Variants in PHKA1 observed in about 807,000 individuals in gnomAD.
The protein encoded by PHKA1 is phosphorylase kinase regulatory subunit alpha 1, also known as phosphorylase b kinase regulatory subunit alpha, skeletal muscle isoform.
A neutral mutation model predicts 110.2 loss-of-function variants in PHKA1; 60 were observed. The observed-to-expected ratio is 0.54, with a 90% CI of 0.44 to 0.68. The LOEUF (loss-of-function observed/expected upper bound fraction) is 0.68, where lower values mean the gene tolerates loss of function less well. Ranked by LOEUF, PHKA1 falls within the 30% of genes least tolerant of loss-of-function variation. The probability of loss-of-function intolerance (pLI) is 0.00; values close to 1 mark genes in which losing one functional copy is unlikely to be tolerated. For missense variants in PHKA1, 801 were observed against 942.5 expected, an observed-to-expected ratio of 0.85 and a Z score of 1.97; for synonymous variants, 316 against 333.6, an observed-to-expected ratio of 0.95 and a Z score of 0.58.
chrX:72,671,598 T>G (rs2053699905), intron 6 of PHKA1, among the ~76,000 whole-genome samples: 1 of 111,662 alleles, frequency 9.0e-6, no homozygotes, highest in Non-Finnish European at 1.9e-5. Flanking sequence ...TTAAAGTTCA[T>G]ACGGAACCAA....
chrX:72,638,684 G>A (rs1020860008), intron 14 of PHKA1, among the ~76,000 whole-genome samples: 4 of 111,143 alleles, frequency 3.6e-5, no homozygotes, highest in Non-Finnish European at 7.5e-5. Context: ...CTAAGAACTC[G>A]TCTATTTATG....
intron 29 of PHKA1, among the ~76,000 whole-genome samples, chrX:72,586,084 A>G (rs2147646187): frequency 8.9e-6 from 1 of 112,463 alleles, no homozygotes; most frequent in African/African-American, 3.2e-5. Flanking sequence ...CTCCCAGCAC[A>G]GTGTTTGAGC....
chrX:72,647,020 T>C (rs2147751944), intron 13 of PHKA1, among the ~76,000 whole-genome samples: 1 of 109,733 alleles, frequency 9.1e-6, no homozygotes, highest in East Asian at 2.9e-4. Context: ...TAATCCCAGC[T>C]ACTCCGGAGG....
intron 13 of PHKA1, among the ~76,000 whole-genome samples, chrX:72,645,866 G>A (rs2053353961): frequency 8.9e-6 from 1 of 112,102 alleles, no homozygotes; most frequent in Non-Finnish European, 1.9e-5. Context: ...CCTAGGTAGT[G>A]TGGGGTTGGG....
rs140803208 is a variant in PHKA1, at chrX:72,611,253, G to A, written c.2370-69C>T. The A allele has an allele frequency of 1.4e-3, 1,214 of 888,240 alleles. 8 individuals carry two copies. In the African/African-American group the frequency reaches 0.022, roughly 16 times the overall value. 73.2% of individuals were successfully genotyped at this position (888,240 alleles called of 1,213,427 possible). Reference sequence around the variant, plus strand: ...TCTGGCAATCATCTTTTCTTTCAGTGTTATAATGAACATGCCTGTTTTTGA... The same window carrying A: ...TCTGGCAATCATCTTTTCTTTCAGTATTATAATGAACATGCCTGTTTTTGA... On this transcript the variant is annotated intron_variant, in intron 21 of 31. Coordinates refer to ENST00000373542, the MANE Select transcript of PHKA1 (RefSeq NM_002637.4).
In PHKA1 at chrX:72,605,152, C is replaced by A. The variant is rs1462653452; in HGVS notation, c.2815+119G>T. The A allele has an allele frequency of 4.7e-6, 3 of 643,598 alleles. No homozygotes were observed. In the East Asian group the frequency reaches 1.1e-4, roughly 23 times the overall value. 53.0% of individuals were successfully genotyped at this position (643,598 alleles called of 1,213,427 possible). On this transcript the variant is annotated intron_variant, in intron 25 of 31. Coordinates refer to ENST00000373542, the MANE Select transcript of PHKA1 (RefSeq NM_002637.4). The stretch of plus-strand genomic sequence containing the variant: ...GTGACCAACAGGGGAACAAGGTTGC[C>A]ATATCCAGCTTCTGAGCTATGGATA...
At chrX:72,686,660 T>C (rs1469682834) in intron 4 of PHKA1, among the ~76,000 whole-genome samples, 3 of 112,081 alleles carry the variant, frequency 2.7e-5, no homozygotes, top group Non-Finnish European at 3.8e-5. Context: ...CAAAGATGTA[T>C]GCATATTATT....
intron 12 of PHKA1, among the ~76,000 whole-genome samples, chrX:72,651,734 C>T (rs1232411914): frequency 9.0e-6 from 1 of 111,251 alleles, no homozygotes; most frequent in Non-Finnish European, 1.9e-5. Flanking sequence ...AATCAAACAG[C>T]CATGGCCACA....
chrX:72,650,269 A>C, intron 13 of PHKA1, 121 bp downstream of exon 13: 1 of 558,083 alleles, frequency 1.8e-6, no homozygotes, highest in Non-Finnish European at 3.0e-6. Flanking sequence ...CATTGTATAC[A>C]TTTTGAAGCC....
At chrX:72,697,847 G>A (rs1220506743) in intron 3 of PHKA1, among the ~76,000 whole-genome samples, 2 of 109,294 alleles carry the variant, frequency 1.8e-5, no homozygotes, top group African/African-American at 6.7e-5. Context: ...AGCCGGGCAT[G>A]GTGGCGGGTG....
intron 28 of PHKA1, chrX:72,599,990 T>C (rs1156551122): frequency 5.6e-6 from 2 of 359,780 alleles, no homozygotes; most frequent in Non-Finnish European, 1.0e-5. Context: ...CAGCACATAA[T>C]CATTAAAAAG....
intron 7 of PHKA1, 111 bp downstream of exon 7, chrX:72,667,264 A>G: frequency 3.5e-6 from 2 of 577,068 alleles, no homozygotes; most frequent in Non-Finnish European, 5.8e-6. Flanking sequence ...ATGGTAATTA[A>G]TCAGATGATG....
In PHKA1 at chrX:72,628,561, TA is replaced by T. The variant is rs1339698208; in HGVS notation, c.1715-1513del. Among the ~76,000 whole-genome samples, 377 of 104,194 alleles carry T rather than the reference TA, an allele frequency of 3.6e-3. 2 individuals are homozygous for T. The highest frequency in any genetic ancestry group is 6.5e-3 in the Non-Finnish European group (334 of 51,741). The allele number at this position is 104,194 out of a possible 115,157, so 90.5% of individuals were successfully genotyped here. On this transcript the variant is annotated intron_variant, in intron 16 of 31. Coordinates refer to ENST00000373542, the MANE Select transcript of PHKA1 (RefSeq NM_002637.4). ...TAACAAAAATATTCCCATATATATA[TA>T]TATATATATTCCCATATAAATATAT...
intron 3 of PHKA1, among the ~76,000 whole-genome samples, chrX:72,704,864 T>G (rs1421244295): frequency 8.9e-6 from 1 of 112,223 alleles, no homozygotes; most frequent in Non-Finnish European, 1.9e-5. Context: ...ATGCCGGGAT[T>G]ACAGGCATGA....
intron 2 of PHKA1, 40 bp downstream of exon 2, chrX:72,712,739 C>T: frequency 1.7e-6 from 2 of 1,179,672 alleles, no homozygotes; most frequent in East Asian, 3.0e-5. Context: ...CCCCCAATCA[C>T]ACATAGCTCC....
At chrX:72,646,853 A>G (rs782188395) in intron 13 of PHKA1, among the ~76,000 whole-genome samples, 2 of 111,506 alleles carry the variant, frequency 1.8e-5, no homozygotes, top group South Asian at 3.8e-4. Flanking sequence ...CTACAGGGCC[A>G]GGCGCTGTGG....
chrX:72,615,744 AGGAGGGGG>A (rs1202755690), intron 21 of PHKA1, among the ~76,000 whole-genome samples: 1 of 74,583 alleles, frequency 1.3e-5, no homozygotes, highest in African/African-American at 5.5e-5. Flanking sequence ...GAAGGAAAGA[AGGAGGGGG>A]GGAAGGAAGG....
chrX:72,669,086 C>A, intron 6 of PHKA1, among the ~76,000 whole-genome samples: 1 of 112,423 alleles, frequency 8.9e-6, no homozygotes, highest in Non-Finnish European at 1.9e-5. Context: ...TCAGGCAGCC[C>A]TGCCCCTGTG....
At chrX:72,675,075 C>A (rs535135281) in intron 6 of PHKA1, among the ~76,000 whole-genome samples, 38 of 108,815 alleles carry the variant, frequency 3.5e-4, no homozygotes, top group South Asian at 1.6e-3. Context: ...GTAGTCCCAG[C>A]TACTCGGGAG....
Sources: gnomAD v4.1 joint callset for allele counts (sites outside exome capture counted in the v4.1 genomes callset) on GRCh38, gnomAD v4.1.1 for gene constraint, MANE v1.5 for transcripts, NCBI Gene and HGNC (gene_info 2026-07-23, HGNC 2026-07-21) for gene names.